The following COMMD1 variants were observed in gnomAD, a reference collection of about 807,000 sequenced individuals.
The protein encoded by COMMD1 is copper metabolism domain containing 1, also known as COMM domain-containing protein 1.
In COMMD1, 10 loss-of-function variants were observed where a neutral mutation model predicts 17.2. That is an observed-to-expected ratio of 0.58 (90% confidence interval 0.36 to 0.99). The LOEUF (loss-of-function observed/expected upper bound fraction) is 0.99. COMMD1 is among the 50% of genes least tolerant of loss of function. The pLI, the probability that COMMD1 is intolerant of heterozygous loss-of-function variation, is 0.01. For synonymous variants in COMMD1, 97 were observed against 91.6 expected (o/e 1.06, Z -0.34); for missense variants, 270 against 231.8 (o/e 1.17, Z -1.07).
chr2:61,946,919 C>T (rs1322545456), intron 1 of COMMD1, among the ~76,000 whole-genome samples: 1 of 152,066 alleles, frequency 6.6e-6, no homozygotes, highest in East Asian at 1.9e-4. Context: ...GAGTTGTCTC[C>T]CTTCATGCTT....
chr2:61,947,638 G>A (rs914794272), intron 1 of COMMD1, among the ~76,000 whole-genome samples: 45 of 151,998 alleles, frequency 3.0e-4, no homozygotes, highest in African/African-American at 1.0e-3. Context: ...AGCCAAGATC[G>A]CGCCACTGCA....
At chr2:62,026,129 C>T (rs947738094) in intron 2 of COMMD1, among the ~76,000 whole-genome samples, 4 of 152,134 alleles carry the variant, frequency 2.6e-5, no homozygotes, top group African/African-American at 7.2e-5. Context: ...TTATATAAAA[C>T]TCAGCAACCC....
At chr2:61,922,422 A>C (rs538688264) in intron 1 of COMMD1, among the ~76,000 whole-genome samples, 3 of 152,144 alleles carry the variant, frequency 2.0e-5, no homozygotes, top group African/African-American at 7.2e-5. Context: ...GGTTCAAGCA[A>C]TTCTCCTGCC....
At chr2:62,013,808 G>A (rs1007613968) in intron 2 of COMMD1, among the ~76,000 whole-genome samples, 4 of 152,172 alleles carry the variant, frequency 2.6e-5, no homozygotes, top group African/African-American at 9.7e-5. Flanking sequence ...TTATTGCAGT[G>A]TTGACTGTCT....
At chr2:62,129,807 A>T (rs17515114) in intron 2 of COMMD1, among the ~76,000 whole-genome samples, 14,301 of 152,164 alleles carry the variant, frequency 0.094, 801 homozygotes, top group Non-Finnish European at 0.12. Context: ...TTGTGGGTCA[A>T]AGGGTTATTT....
intron 2 of COMMD1, among the ~76,000 whole-genome samples, chr2:62,033,754 C>T (rs1038344493): frequency 1.3e-5 from 2 of 152,188 alleles, no homozygotes; most frequent in South Asian, 2.1e-4. Flanking sequence ...GGGTGAAACT[C>T]ATCAAATGGT....
chr2:61,951,187 G>A (rs536036670), intron 1 of COMMD1, among the ~76,000 whole-genome samples: 1 of 152,290 alleles, frequency 6.6e-6, no homozygotes, highest in South Asian at 2.1e-4. Context: ...TCTGCGGCTG[G>A]GCACAGTGGC....
chr2:62,046,106 G>C (rs978833873), intron 2 of COMMD1, among the ~76,000 whole-genome samples: 3 of 152,166 alleles, frequency 2.0e-5, no homozygotes, highest in African/African-American at 7.2e-5. Flanking sequence ...GGACAGCTTG[G>C]AGGTCAGAAG....
At chr2:62,121,435 G>A (rs1202622695) in intron 2 of COMMD1, among the ~76,000 whole-genome samples, 7 of 147,208 alleles carry the variant, frequency 4.8e-5, no homozygotes, top group Admixed American at 4.1e-4. Flanking sequence ...ATGAACTAGG[G>A]TGTGATGTTT....
chr2:61,998,560 G>T (rs1053756519), intron 1 of COMMD1, among the ~76,000 whole-genome samples: 19 of 152,208 alleles, frequency 1.2e-4, no homozygotes, highest in Admixed American at 1.2e-3. Flanking sequence ...GCGCCCGGCT[G>T]TGTTTTGCTT....
At chr2:62,017,112 A>G (rs1334468527) in intron 2 of COMMD1, among the ~76,000 whole-genome samples, 1 of 152,240 alleles carries the variant, frequency 6.6e-6, no homozygotes, top group African/African-American at 2.4e-5. Context: ...ATTAACTGCC[A>G]AATAAGCTAA....
At chr2:61,949,810 T>C (rs75010523) in intron 1 of COMMD1, among the ~76,000 whole-genome samples, 6,806 of 152,264 alleles carry the variant, frequency 0.045, 172 homozygotes, top group Middle Eastern at 0.088. Flanking sequence ...CCTTATGGAC[T>C]GAGATCTTTT....
At chr2:61,932,630 T>C (rs1412618566) in intron 1 of COMMD1, among the ~76,000 whole-genome samples, 1 of 151,916 alleles carries the variant, frequency 6.6e-6, no homozygotes, top group Non-Finnish European at 1.5e-5. Flanking sequence ...CTTTGGGAGG[T>C]AATTAGGATT....
At chr2:61,905,256 T>C (rs1343373901), upstream of COMMD1, among the ~76,000 whole-genome samples, 1 of 152,068 alleles carries the variant, frequency 6.6e-6, no homozygotes, top group African/African-American at 2.4e-5. Context: ...AAAAAAAGGA[T>C]GACAGGTAAG....
intron 1 of COMMD1, among the ~76,000 whole-genome samples, chr2:61,965,826 G>C (rs1237643110): frequency 6.6e-6 from 1 of 152,072 alleles, no homozygotes; most frequent in East Asian, 1.9e-4. Flanking sequence ...TTAGTTCTTC[G>C]CTTTTAAGGA....
chr2:62,041,969 G>T lies in COMMD1; in HGVS notation c.462+40987G>T, dbSNP rs188471096. On this transcript the variant is annotated intron_variant, in intron 2 of 2. Coordinates refer to ENST00000311832, the MANE Select transcript of COMMD1 (RefSeq NM_152516.4). ...CCACACTGTGGAAGAGGACCTCAGC[G>T]GCTTGCCGCTGCTGGCTCTGGTGGC... Among the ~76,000 whole-genome samples, 228 of 152,318 alleles carry T rather than the reference G, an allele frequency of 1.5e-3. 2 individuals carry two copies. The highest frequency in any genetic ancestry group is 4.3e-3 in the African/African-American group (177 of 41,580).
chr2:62,000,634 TA>T, intron 1 of COMMD1, 66 bp from the exon 2 acceptor site: 1 of 1,443,604 alleles, frequency 6.9e-7, no homozygotes, highest in Non-Finnish European at 9.7e-7. Context: ...AATCTGTAGT[TA>T]AGAAGCTATC....
chr2:61,970,318 G>C (rs1671615316), intron 1 of COMMD1, among the ~76,000 whole-genome samples: 1 of 150,530 alleles, frequency 6.6e-6, no homozygotes, highest in South Asian at 2.1e-4. Context: ...AGAGTTTTCT[G>C]CATTTTAAAA....
intron 2 of COMMD1, among the ~76,000 whole-genome samples, chr2:62,097,736 C>A (rs1672050783): frequency 6.6e-6 from 1 of 152,134 alleles, no homozygotes; most frequent in African/African-American, 2.4e-5. Context: ...ACCATTTGGA[C>A]TTTTTCTTTA....
Sources: gnomAD v4.1 joint callset for allele counts (sites outside exome capture counted in the v4.1 genomes callset) on GRCh38, gnomAD v4.1.1 for gene constraint, MANE v1.5 for transcripts, NCBI Gene and HGNC (gene_info 2026-07-23, HGNC 2026-07-21) for gene names.